EIF4E2: variants seen among roughly 807,000 people sequenced by gnomAD.
The protein encoded by EIF4E2 is eukaryotic translation initiation factor 4E family member 2.
EIF4E2 carries 13 observed loss-of-function variants against 34.2 expected under a neutral mutation model. The observed-to-expected ratio is 0.38, with a 90% confidence interval of 0.25 to 0.60. EIF4E2 has a LOEUF of 0.60. EIF4E2 is among the 20% of genes least tolerant of loss of function. The pLI, the probability that EIF4E2 is intolerant of heterozygous loss-of-function variation, is 0.62. For missense variants in EIF4E2, 222 were observed against 315.1 expected (o/e 0.70, Z 2.24); for synonymous variants, 100 against 106.6 (o/e 0.94, Z 0.38).
Position 232,550,785 on chromosome 2 carries a change from C to T in EIF4E2, c.20+41C>T, listed in dbSNP as rs1258812692. On this transcript the variant is annotated intron_variant, in intron 1 of 6. Coordinates refer to ENST00000258416, the MANE Select transcript of EIF4E2 (RefSeq NM_004846.4). Reference sequence around the variant, plus strand: ...CCGCCCCCGGGGCCCCTTCCCCGAACAGTTCCCCCGCGCCCGCCCCCGCTG... The same window carrying T: ...CCGCCCCCGGGGCCCCTTCCCCGAATAGTTCCCCCGCGCCCGCCCCCGCTG... 2.0e-6 allele frequency: 3 copies of T among 1,536,236 alleles called. No homozygotes were observed. The African/African-American group carries it at 4.2e-5, about 22-fold the overall frequency.
chr2:232,571,345 A>G (rs1424974466), downstream of EIF4E2, among the ~76,000 whole-genome samples: 1 of 152,226 alleles, frequency 6.6e-6, no homozygotes, highest in African/African-American at 2.4e-5. Context: ...GCTCCTTTTA[A>G]TGAGGCCAAC....
chr2:232,569,970 A>G (rs774582982), downstream of EIF4E2: 2 of 152,152 alleles, frequency 1.3e-5, no homozygotes, highest in African/African-American at 2.4e-5. Context: ...TTAGGCCCCT[A>G]ACCTGCATGT....
In EIF4E2 at chr2:232,581,168, T is replaced by G. The variant is rs1250819449; in HGVS notation, c.*225T>G. On this transcript the variant is annotated 3_prime_UTR_variant, in exon 7 of 7. Transcript: ENST00000409098. The surrounding 1 kb of genome is among the most constrained non-coding windows in gnomAD (Gnocchi z 5.2). ...AACGTGACTTTGTAATAGACAAACA[T>G]TGTTTTTTAATGGGGTTCCATGGGG... 1 of 674,542 alleles carries G rather than the reference T, an allele frequency of 1.5e-6. No individual in the cohort carries two copies. Among genetic ancestry groups the G allele is most frequent in the Non-Finnish European group, 2.8e-6 (1 of 361,648 alleles). 41.8% of individuals were successfully genotyped at this position (674,542 alleles called of 1,614,324 possible). A position where few individuals can be genotyped will look rare whatever the true frequency, so the allele number is the denominator to read the frequency against.
chr2:232,560,964 A>G (rs1479583356), intron 3 of EIF4E2, among the ~76,000 whole-genome samples: 1 of 152,208 alleles, frequency 6.6e-6, no homozygotes, highest in African/African-American at 2.4e-5. Context: ...AAAAGGAATG[A>G]AGGCACAGAT....
intron 3 of EIF4E2, among the ~76,000 whole-genome samples, chr2:232,562,491 C>T (rs1033681855): frequency 1.2e-4 from 19 of 152,046 alleles, no homozygotes; most frequent in African/African-American, 4.1e-4. Flanking sequence ...GAGGCTGAGG[C>T]AGGAGAATCA....
chr2:232,560,267 C>G (rs1692676898), intron 3 of EIF4E2, among the ~76,000 whole-genome samples: 1 of 152,186 alleles, frequency 6.6e-6, no homozygotes, highest in African/African-American at 2.4e-5. Context: ...GTCTTTTCAA[C>G]AAACATTGCT....
downstream of EIF4E2, among the ~76,000 whole-genome samples, chr2:232,573,193 CACT>C (rs1216803888): frequency 6.6e-6 from 1 of 152,192 alleles, no homozygotes; most frequent in East Asian, 1.9e-4. Context: ...TTAGCACATA[CACT>C]AGGAGCTTTG....
intron 3 of EIF4E2, among the ~76,000 whole-genome samples, chr2:232,559,780 CA>C (rs1257428708): frequency 9.6e-6 from 1 of 103,754 alleles, no homozygotes; most frequent in Non-Finnish European, 2.0e-5. Flanking sequence ...CCTGCCTCTA[CA>C]AAAAAAGTTT....
intron 1 of EIF4E2, 54 bp from the exon 2 acceptor site, chr2:232,556,362 G>A: frequency 6.8e-7 from 1 of 1,462,512 alleles, no homozygotes; most frequent in Non-Finnish European, 9.5e-7. Context: ...GCTTTGTTAG[G>A]TAAGCAAGAA....
chr2:232,554,225 C>T (rs1348287666), intron 1 of EIF4E2, among the ~76,000 whole-genome samples: 1 of 152,180 alleles, frequency 6.6e-6, no homozygotes, highest in Non-Finnish European at 1.5e-5. Context: ...GAGAAAGTGG[C>T]CCTCAATCTG....
At chr2:232,562,773 T>C (rs1014495044) in intron 3 of EIF4E2, among the ~76,000 whole-genome samples, 4 of 152,222 alleles carry the variant, frequency 2.6e-5, no homozygotes, top group African/African-American at 9.7e-5. Flanking sequence ...TGGGTATATG[T>C]GGTTTTATTC....
intron 3 of EIF4E2, 47 bp downstream of exon 3, chr2:232,558,065 T>A (rs1207207637): frequency 6.2e-7 from 1 of 1,600,006 alleles, no homozygotes; most frequent in Non-Finnish European, 8.5e-7. Context: ...AGTTCGTTCA[T>A]GCCTGTATTG....
intron 6 of EIF4E2, among the ~76,000 whole-genome samples, chr2:232,577,077 C>T (rs1184435138): frequency 6.6e-6 from 1 of 152,194 alleles, no homozygotes; most frequent in Non-Finnish European, 1.5e-5. Context: ...TCTGATTACT[C>T]AGCTGTCTAG....
intron 4 of EIF4E2, among the ~76,000 whole-genome samples, chr2:232,565,965 G>T (rs1692910590): frequency 6.6e-6 from 1 of 151,980 alleles, no homozygotes; most frequent in Admixed American, 6.5e-5. Context: ...GGTGGCATGT[G>T]CCTGTAGTCC....
chr2:232,577,480 CT>C (rs1468021439), intron 6 of EIF4E2, among the ~76,000 whole-genome samples: 16 of 152,330 alleles, frequency 1.1e-4, no homozygotes, highest in Non-Finnish European at 7.4e-5. Context: ...CTTTGCCCCC[CT>C]GTCATCCATT....
At position 232,569,112 on chromosome 2, in the gene EIF4E2, G is replaced by A; in HGVS notation, c.*95G>A. On this transcript the variant is annotated 3_prime_UTR_variant, in exon 7 of 7. Transcript: ENST00000258416. ...CTACCTGGAAGATCCTTCTGTCCTG[G>A]ACAAGAGGAATTGGAAGAGCATTTT... The A allele has an allele frequency of 1.9e-6, 3 of 1,543,604 alleles. No homozygotes were observed. Among genetic ancestry groups the A allele is most frequent in the Non-Finnish European group, 2.6e-6 (3 of 1,142,766 alleles).
At chr2:232,580,991 C>T (rs746948907) in exon 7 of EIF4E2, 6 of 1,529,258 alleles carry the variant, frequency 3.9e-6, no homozygotes, top group South Asian at 2.4e-5. Context: ...TGTGTTTGTC[C>T]GAAATGGATG....
downstream of EIF4E2, among the ~76,000 whole-genome samples, chr2:232,569,528 G>A (rs1342025442): frequency 2.6e-5 from 4 of 152,206 alleles, no homozygotes; most frequent in South Asian, 6.2e-4. Context: ...GTCTGTTCAG[G>A]TTGGAAAGGG....
chr2:232,567,665 C>T, intron 6 of EIF4E2: 2 of 1,031,396 alleles, frequency 1.9e-6, no homozygotes, highest in Non-Finnish European at 2.3e-6. Context: ...AGGAATGACT[C>T]CATTTCCTTG....
Sources: allele counts gnomAD v4.1 joint callset (sites outside exome capture counted in the v4.1 genomes callset), GRCh38; gene constraint gnomAD v4.1.1; non-coding constraint Gnocchi (gnomAD v3.1); transcripts MANE v1.5; gene names NCBI Gene and HGNC (gene_info 2026-07-23, HGNC 2026-07-21).